The following SLC66A3 variants were observed in gnomAD, a reference collection of about 807,000 sequenced individuals.
SLC66A3 encodes the protein PQ loop repeat containing 3.
SLC66A3 carries 23 observed loss-of-function variants against 25.5 expected under a neutral mutation model. The observed-to-expected ratio is 0.90, with a 90% CI of 0.65 to 1.28. The LOEUF (loss-of-function observed/expected upper bound fraction) is 1.28, where lower values mean the gene tolerates loss of function less well. Ranked by LOEUF, SLC66A3 falls within the 50% of genes most tolerant of loss-of-function variation. The probability of loss-of-function intolerance (pLI) is 0.00; values close to 1 mark genes in which losing one functional copy is unlikely to be tolerated. For synonymous variants in SLC66A3, 108 were observed against 112.6 expected, an observed-to-expected ratio of 0.96 and a Z score of 0.26; for missense variants, 246 against 262.1, an observed-to-expected ratio of 0.94 and a Z score of 0.42.
chr2:11,168,327 T>C (rs1572189031), intron 4 of SLC66A3, among the ~76,000 whole-genome samples: 1 of 152,046 alleles, frequency 6.6e-6, no homozygotes, highest in East Asian at 1.9e-4. Flanking sequence ...ATCCCTTCTT[T>C]CCAATCCTGT....
In SLC66A3 at chr2:11,155,541, G is replaced by C; in HGVS notation, c.-6G>C. 6.7e-7 allele frequency: 1 copy of C among 1,492,200 alleles called. No homozygotes were observed. Among genetic ancestry groups the C allele is most frequent in the Non-Finnish European group, 8.9e-7 (1 of 1,129,590 alleles). The allele number at this position is 1,492,200 out of a possible 1,614,324, so 92.4% of individuals were successfully genotyped here. On this transcript the variant is annotated 5_prime_UTR_variant, in exon 1 of 7. Transcript: ENST00000295083. ...CGGCCGCCCAGGTGCCCGCGCCCGT[G>C]GCGCTATGGAGGCGGCGCTGCTGGG...
chr2:11,176,001 C>A (rs887691414), intron 6 of SLC66A3, among the ~76,000 whole-genome samples: 1 of 152,166 alleles, frequency 6.6e-6, no homozygotes, highest in Non-Finnish European at 1.5e-5. Flanking sequence ...CTGGTCAAAG[C>A]ATAAACTTTG....
chr2:11,157,873 G>A (rs1366270201), intron 1 of SLC66A3, among the ~76,000 whole-genome samples: 1 of 152,168 alleles, frequency 6.6e-6, no homozygotes, highest in Non-Finnish European at 1.5e-5. Context: ...CCAGGGCTCT[G>A]CTGGGCTCTG....
At chr2:11,172,069 G>C (rs777543744) in intron 5 of SLC66A3, 24 bp downstream of exon 5, 2 of 1,612,324 alleles carry the variant, frequency 1.2e-6, no homozygotes, top group Admixed American at 3.3e-5. Context: ...TCACATGGTG[G>C]GGAGGCCTTT....
intron 4 of SLC66A3, among the ~76,000 whole-genome samples, chr2:11,166,293 C>T (rs1049925446): frequency 6.6e-6 from 1 of 152,072 alleles, no homozygotes; most frequent in Admixed American, 6.6e-5. Flanking sequence ...GGCTCAGGGC[C>T]GAAAATTTCC....
intron 3 of SLC66A3, among the ~76,000 whole-genome samples, chr2:11,162,052 C>T (rs2147986611): frequency 6.6e-6 from 1 of 152,348 alleles, no homozygotes; most frequent in Middle Eastern, 3.4e-3. Flanking sequence ...ACACCATAAA[C>T]TGTGCGTCCC....
chr2:11,166,539 C>T (rs1558254735), intron 4 of SLC66A3, among the ~76,000 whole-genome samples: 1 of 152,148 alleles, frequency 6.6e-6, no homozygotes, highest in Non-Finnish European at 1.5e-5. Context: ...CTTGGGAGAG[C>T]AAATAAGTAG....
intron 4 of SLC66A3, among the ~76,000 whole-genome samples, chr2:11,166,611 C>T (rs187370015): frequency 7.2e-5 from 11 of 152,194 alleles, no homozygotes; most frequent in Middle Eastern, 3.4e-3. Context: ...CTGCATGGGT[C>T]GAGGTGGGGT....
rs1572177904 is a variant in SLC66A3, at chr2:11,160,843, T to G, written c.296+149T>G. 1.5e-5 allele frequency: 20 copies of G among 1,299,986 alleles called. 1 individual carries two copies. Among genetic ancestry groups the G allele is most frequent in the Non-Finnish European group, 2.1e-5 (20 of 961,290 alleles). 80.5% of individuals were successfully genotyped at this position (1,299,986 alleles called of 1,614,324 possible). A position where few individuals can be genotyped will look rare whatever the true frequency, so the allele number is the denominator to read the frequency against. On this transcript the variant is annotated intron_variant, in intron 3 of 6. Coordinates refer to ENST00000295083, the MANE Select transcript of SLC66A3 (RefSeq NM_152391.5). Reference sequence around the variant, plus strand: ...AAAATCCCAAATGCAAACGTGTCCATGTACACCAGAGATGCCCTCAGTACA... The same window carrying G: ...AAAATCCCAAATGCAAACGTGTCCAGGTACACCAGAGATGCCCTCAGTACA...
intron 4 of SLC66A3, among the ~76,000 whole-genome samples, chr2:11,171,465 ACTATTGCATTACTTTT>A (rs1662550168): frequency 6.6e-6 from 1 of 152,016 alleles, no homozygotes. Flanking sequence ...TAAATGTCTC[ACTATTGCATTACTTTT>A]CACTAAACTT....
chr2:11,164,180 C>T, intron 3 of SLC66A3, 24 bp from the exon 4 acceptor site: 1 of 1,531,732 alleles, frequency 6.5e-7, no homozygotes, highest in Non-Finnish European at 8.9e-7. Context: ...TGACCCACTG[C>T]TGTGTCCCTT....
At chr2:11,165,225 G>A (rs181314178) in intron 4 of SLC66A3, among the ~76,000 whole-genome samples, 1,799 of 150,820 alleles carry the variant, frequency 0.012, 45 homozygotes, top group African/African-American at 0.042. Context: ...CTTCCCAGAC[G>A]GGCTGGCTGC....
intron 3 of SLC66A3, among the ~76,000 whole-genome samples, chr2:11,163,205 A>G (rs1662188188): frequency 6.6e-6 from 1 of 152,192 alleles, no homozygotes; most frequent in Admixed American, 6.5e-5. Context: ...TTTATTTGTG[A>G]AATCTGGCAA....
At chr2:11,160,313 T>C in intron 1 of SLC66A3, 153 bp from the exon 2 acceptor site, 1 of 667,402 alleles carries the variant, frequency 1.5e-6, no homozygotes, top group Non-Finnish European at 2.7e-6. Flanking sequence ...CTGAATTCCA[T>C]CTATTTTGTT....
In SLC66A3 at chr2:11,160,520, C is replaced by T; in HGVS notation, c.198C>T (p.Tyr66=). The T allele has an allele frequency of 1.2e-6, 2 of 1,614,204 alleles. No individual in the cohort carries two copies. The highest frequency in any genetic ancestry group is 2.2e-5 in the East Asian group (1 of 44,882). ...ACTATGGGTATCCGCCGCTGACCTA[C>T]CTGGAGTACCCCATCCTCATCGCGC... ...QCYYGYPPLT[Y]LEYPILIAQD... Residue 66 remains tyrosine, a synonymous_variant, in exon 2 of 7, where the codon TAC becomes TAT. Coordinates refer to ENST00000295083, the MANE Select transcript of SLC66A3 (RefSeq NM_152391.5).
At chr2:11,163,073 G>A (rs4668718) in intron 3 of SLC66A3, among the ~76,000 whole-genome samples, 55,073 of 151,930 alleles carry the variant, frequency 0.36, 10,243 homozygotes, top group East Asian at 0.51. Context: ...ATTCCCTAGC[G>A]CTCCAAAAAT....
intron 4 of SLC66A3, among the ~76,000 whole-genome samples, chr2:11,168,853 A>G (rs1170893790): frequency 1.3e-5 from 2 of 150,978 alleles, no homozygotes; most frequent in Non-Finnish European, 3.0e-5. Flanking sequence ...TCCCTTCTCC[A>G]TAATTCCTTT....
intron 1 of SLC66A3, among the ~76,000 whole-genome samples, chr2:11,156,645 G>GCCGGCCCTATGGAGC (rs915651180): frequency 6.6e-6 from 1 of 152,124 alleles, no homozygotes; most frequent in African/African-American, 2.4e-5. Flanking sequence ...TGGACCCCGC[G>GCCGGCCCTATGGAGC]CCGGCCCTAT....
intron 1 of SLC66A3, among the ~76,000 whole-genome samples, chr2:11,156,454 G>A (rs947465546): frequency 6.6e-6 from 1 of 152,164 alleles, no homozygotes; most frequent in Non-Finnish European, 1.5e-5. Flanking sequence ...CCCTGGCCAG[G>A]CCAGGCCTTC....
Sources: gnomAD v4.1 joint callset for allele counts (sites outside exome capture counted in the v4.1 genomes callset) on GRCh38, gnomAD v4.1.1 for gene constraint, MANE v1.5 for transcripts, NCBI Gene and HGNC (gene_info 2026-07-23, HGNC 2026-07-21) for gene names.